Variants in WASF3 observed in about 807,000 individuals in gnomAD.
WASF3 encodes actin-binding protein WASF3.
Under a neutral mutation model 46.6 loss-of-function variants are expected in WASF3, and 11 were observed. The observed-to-expected ratio is 0.24, with a 90% CI of 0.15 to 0.39. The LOEUF is 0.39. WASF3 is among the 10% of genes least tolerant of loss of function. The pLI is 1.00. For missense variants in WASF3, 576 were observed against 669.8 expected, an observed-to-expected ratio of 0.86 and a Z score of 1.55; for synonymous variants, 242 against 259.7, an observed-to-expected ratio of 0.93 and a Z score of 0.65.
intron 4 of WASF3, among the ~76,000 whole-genome samples, chr13:26,666,497 C>T (rs1426193421): frequency 1.3e-5 from 2 of 152,176 alleles, no homozygotes; most frequent in Non-Finnish European, 2.9e-5. Context: ...TTGGTCTTGC[C>T]ACTTTTTTGC....
At chr13:26,610,546 A>G (rs711219) in intron 1 of WASF3, among the ~76,000 whole-genome samples, 2,073 of 152,272 alleles carry the variant, frequency 0.014, 53 homozygotes, top group African/African-American at 0.046. Context: ...TGGAGGCCAT[A>G]GCAGGTTGCA....
At chr13:26,651,339 C>G (rs1373508522) in intron 3 of WASF3, among the ~76,000 whole-genome samples, 1 of 151,684 alleles carries the variant, frequency 6.6e-6, no homozygotes, top group Non-Finnish European at 1.5e-5. Context: ...AAACAAAAAC[C>G]AAAAACCAAA....
At chr13:26,637,771 C>T (rs1228447867) in intron 2 of WASF3, among the ~76,000 whole-genome samples, 2 of 152,228 alleles carry the variant, frequency 1.3e-5, no homozygotes, top group African/African-American at 2.4e-5. Context: ...GAGCCATGAC[C>T]TGTGCCAGGG....
At chr13:26,671,400 G>C (rs1463898192) in intron 5 of WASF3, among the ~76,000 whole-genome samples, 1 of 152,082 alleles carries the variant, frequency 6.6e-6, no homozygotes, top group Non-Finnish European at 1.5e-5. Context: ...TGAACTTATA[G>C]ATGTTGGGCA....
intron 2 of WASF3, chr13:26,641,916 C>T (rs1882009037): frequency 6.4e-6 from 1 of 155,394 alleles, no homozygotes; most frequent in African/African-American, 2.4e-5. Flanking sequence ...GTCTCTTAAT[C>T]TGGTTAAGTG....
At chr13:26,572,989 A>G (rs931935289) in intron 1 of WASF3, among the ~76,000 whole-genome samples, 1 of 152,214 alleles carries the variant, frequency 6.6e-6, no homozygotes, top group African/African-American at 2.4e-5. Context: ...TTAATATTAC[A>G]CTTGATTTAT....
At chr13:26,646,131 A>G (rs142135384) in intron 3 of WASF3, among the ~76,000 whole-genome samples, 139 of 152,346 alleles carry the variant, frequency 9.1e-4, no homozygotes, top group African/African-American at 3.2e-3. Flanking sequence ...AACCTGCTAC[A>G]AGACAACACT....
rs889339117 is a variant in WASF3, at chr13:26,562,032, AC to A, written c.-109+4214del. On this transcript the variant is annotated intron_variant, in intron 1 of 9. Coordinates refer to ENST00000335327, the MANE Select transcript of WASF3 (RefSeq NM_006646.6). ...CAAGTTGTTAGGACATTAAGTACTT[AC>A]GTTTTTAACATTTTCTTTGCTCAAT... Among the ~76,000 whole-genome samples, 9 of 152,214 alleles carry A rather than the reference AC, an allele frequency of 5.9e-5. No homozygotes were observed. The East Asian group carries it at 7.7e-4, about 13-fold the overall frequency.
chr13:26,666,195 A>T (rs1241140121), intron 4 of WASF3, among the ~76,000 whole-genome samples: 1 of 152,202 alleles, frequency 6.6e-6, no homozygotes, highest in Non-Finnish European at 1.5e-5. Flanking sequence ...TCCAACAATA[A>T]GTATTAGTTG....
At chr13:26,664,179 C>T (rs898607050) in intron 3 of WASF3, among the ~76,000 whole-genome samples, 3 of 152,150 alleles carry the variant, frequency 2.0e-5, no homozygotes, top group African/African-American at 2.4e-5. Context: ...AGTTTTCTTC[C>T]TGGGAGGTTC....
chr13:26,675,045 T>C (rs1157786443), intron 6 of WASF3, among the ~76,000 whole-genome samples: 1 of 152,202 alleles, frequency 6.6e-6, no homozygotes, highest in Non-Finnish European at 1.5e-5. Context: ...CGGTCCAGTT[T>C]TCTGTCTTCA....
intron 2 of WASF3, among the ~76,000 whole-genome samples, chr13:26,630,299 T>C (rs1489468978): frequency 6.6e-6 from 1 of 152,160 alleles, no homozygotes; most frequent in Non-Finnish European, 1.5e-5. Flanking sequence ...CCTAATGCTG[T>C]CCTTCCCCCA....
intron 1 of WASF3, among the ~76,000 whole-genome samples, chr13:26,612,075 T>A (rs9507746): frequency 0.16 from 24,104 of 152,182 alleles, 2,407 homozygotes; most frequent in South Asian, 0.26. Context: ...CCCGCCCCAC[T>A]TCTGGGCCGC....
chr13:26,577,072 A>G, intron 1 of WASF3: 2 of 759,392 alleles, frequency 2.6e-6, no homozygotes, highest in East Asian at 2.4e-5. Flanking sequence ...TGATGGCCTC[A>G]AGGGTCATGT....
At chr13:26,564,900 GTTTTT>G (rs66809412) in intron 1 of WASF3, among the ~76,000 whole-genome samples, 24 of 81,634 alleles carry the variant, frequency 2.9e-4, no homozygotes, top group African/African-American at 1.2e-3. Context: ...CAAGGTTGTG[GTTTTT>G]TTTTTTTTTT....
chr13:26,606,783 T>G (rs1880812984), intron 1 of WASF3: 1 of 152,200 alleles, frequency 6.6e-6, no homozygotes, highest in Non-Finnish European at 1.5e-5. Context: ...CTCTCTTGTT[T>G]ACTGCAGCTG....
intron 2 of WASF3, among the ~76,000 whole-genome samples, chr13:26,621,652 GT>G (rs1300532999): frequency 1.3e-5 from 2 of 152,106 alleles, no homozygotes; most frequent in Non-Finnish European, 2.9e-5. Context: ...GTGAACATTT[GT>G]CCCAGTGAAA....
rs1039915433 is a variant in WASF3, at chr13:26,679,158, G to A, written c.717-1896G>A. 7.9e-5 allele frequency among the ~76,000 whole-genome samples: 12 copies of A among 152,026 alleles called. No individual in the cohort carries two copies. The highest frequency in any genetic ancestry group is 3.9e-4 in the East Asian group (2 of 5,186). On this transcript the variant is annotated intron_variant, in intron 7 of 9. Transcript: ENST00000335327. This position sits in a 1 kb window ranked among gnomAD's most constrained non-coding sequence, Gnocchi z 4.8. Reference sequence around the variant, plus strand: ...TGATCACTGACCATCATGAGGCCTCGGGATCTCCACTCACCTCCACCTTGG... The same window carrying A: ...TGATCACTGACCATCATGAGGCCTCAGGATCTCCACTCACCTCCACCTTGG...
At chr13:26,547,401 C>CAT in the WASF3 span, among the ~76,000 whole-genome samples, 1 of 142,766 alleles carries the variant, frequency 7.0e-6, no homozygotes, top group Admixed American at 6.8e-5. Context: ...TCAACACACA[C>CAT]ACACACACAC....
Sources: allele counts gnomAD v4.1 joint callset (sites outside exome capture counted in the v4.1 genomes callset), GRCh38; gene constraint gnomAD v4.1.1; non-coding constraint Gnocchi (gnomAD v3.1); transcripts MANE v1.5; gene names NCBI Gene and HGNC (gene_info 2026-07-23, HGNC 2026-07-21).